SYT9: variants seen among roughly 807,000 people sequenced by gnomAD.
The protein encoded by SYT9 is synaptotagmin 9, also known as synaptotagmin-9.
SYT9 carries 22 observed loss-of-function variants against 48.4 expected under a neutral mutation model. The observed-to-expected ratio is 0.45, with a 90% CI of 0.32 to 0.65. SYT9 has a LOEUF of 0.65. Among genes scored for constraint, SYT9 ranks in the 30% least tolerant of loss-of-function variants. The pLI is 0.03. For synonymous variants in SYT9, 265 were observed against 245.0 expected (o/e 1.08, Z -0.76); for missense variants, 577 against 622.0 (o/e 0.93, Z 0.77).
intron 1 of SYT9, among the ~76,000 whole-genome samples, chr11:7,298,832 C>T (rs1021301060): frequency 3.9e-5 from 6 of 152,172 alleles, no homozygotes; most frequent in African/African-American, 9.6e-5. Context: ...GACAAACAGG[C>T]GTGATTACAG....
intron 3 of SYT9, among the ~76,000 whole-genome samples, chr11:7,335,942 A>G (rs566215470): frequency 5.3e-5 from 8 of 152,260 alleles, no homozygotes; most frequent in African/African-American, 1.9e-4. Context: ...TGGTTGAACT[A>G]ATTTACACTC....
chr11:7,382,557 A>T (rs964111136), intron 3 of SYT9, among the ~76,000 whole-genome samples: 1 of 152,222 alleles, frequency 6.6e-6, no homozygotes, highest in Admixed American at 6.5e-5. Context: ...TAAATAAGAA[A>T]ACACTTGTAT....
intron 6 of SYT9, among the ~76,000 whole-genome samples, chr11:7,460,646 G>T (rs745522410): frequency 6.6e-6 from 1 of 152,074 alleles, no homozygotes; most frequent in African/African-American, 2.4e-5. Flanking sequence ...TTTAAATGGT[G>T]ACTATAAATT....
intron 6 of SYT9, chr11:7,435,645 GAGCA>G (rs1489738922): frequency 6.6e-6 from 1 of 152,230 alleles, no homozygotes; most frequent in African/African-American, 2.4e-5. Flanking sequence ...GAGAGTCTTT[GAGCA>G]ACTGCAGACA....
At chr11:7,434,814 G>T (rs548688061) in intron 6 of SYT9, among the ~76,000 whole-genome samples, 1 of 152,142 alleles carries the variant, frequency 6.6e-6, no homozygotes, top group East Asian at 1.9e-4. Context: ...AGTAGTTGGA[G>T]GTGACAGAAT....
chr11:7,276,945 T>G (rs765113404), intron 1 of SYT9, among the ~76,000 whole-genome samples: 89 of 150,878 alleles, frequency 5.9e-4, no homozygotes, highest in Non-Finnish European at 8.7e-4. Context: ...TCCCAGCTAC[T>G]CGGGAGGCTG....
intron 3 of SYT9, among the ~76,000 whole-genome samples, chr11:7,389,072 C>T (rs1332104709): frequency 1.3e-5 from 2 of 152,182 alleles, no homozygotes; most frequent in South Asian, 2.1e-4. Flanking sequence ...CCTGCACATT[C>T]TAAAGAAAGT....
chr11:7,335,121 T>C (rs892930753), intron 3 of SYT9, among the ~76,000 whole-genome samples: 2 of 152,222 alleles, frequency 1.3e-5, no homozygotes, highest in Non-Finnish European at 2.9e-5. Flanking sequence ...CTAGTTGCTC[T>C]ACATTCTCAC....
chr11:7,398,520 C>A (rs1846805571), intron 3 of SYT9, among the ~76,000 whole-genome samples: 1 of 151,822 alleles, frequency 6.6e-6, no homozygotes, highest in Non-Finnish European at 1.5e-5. Context: ...CGCCATTCTC[C>A]TGCCTCAGCC....
intron 6 of SYT9, chr11:7,427,688 TGG>T (rs1195421144): frequency 6.6e-6 from 1 of 152,198 alleles, no homozygotes; most frequent in Non-Finnish European, 1.5e-5. Context: ...ATAATAGGAA[TGG>T]GGTATTTTTT....
chr11:7,391,862 G>GC (rs1564887356), intron 3 of SYT9, among the ~76,000 whole-genome samples: 8 of 151,580 alleles, frequency 5.3e-5, no homozygotes, highest in African/African-American at 1.9e-4. Context: ...GCTGCAGTGA[G>GC]CTATGATTAT....
intron 3 of SYT9, among the ~76,000 whole-genome samples, chr11:7,358,139 A>G (rs889869820): frequency 6.6e-6 from 1 of 152,140 alleles, no homozygotes; most frequent in Non-Finnish European, 1.5e-5. Context: ...AATGGTATAG[A>G]AAGGGTTAAA....
At chr11:7,420,753 G>A (rs2134104752) in intron 6 of SYT9, 118 bp downstream of exon 6, 2 of 1,309,562 alleles carry the variant, frequency 1.5e-6, no homozygotes, top group South Asian at 1.5e-5. Context: ...GGGTTTTCCT[G>A]GTTGCATTTC....
chr11:7,267,653 C>T (rs909148331), intron 1 of SYT9, among the ~76,000 whole-genome samples: 2 of 150,444 alleles, frequency 1.3e-5, no homozygotes, highest in African/African-American at 2.4e-5. Context: ...AAAAAAAATG[C>T]ATTGAAGTTA....
chr11:7,333,512 A>T (rs149187084), intron 3 of SYT9, among the ~76,000 whole-genome samples: 1 of 152,208 alleles, frequency 6.6e-6, no homozygotes, highest in South Asian at 2.1e-4. Flanking sequence ...AACTGAACAG[A>T]TCTATGAATT....
intron 3 of SYT9, among the ~76,000 whole-genome samples, chr11:7,323,228 G>C (rs1435259332): frequency 1.3e-5 from 2 of 152,072 alleles, no homozygotes; most frequent in Non-Finnish European, 2.9e-5. Flanking sequence ...TTGCTAGGTT[G>C]AAGTAAATTG....
At chr11:7,333,177 T>C (rs1199512385) in intron 3 of SYT9, among the ~76,000 whole-genome samples, 1 of 152,154 alleles carries the variant, frequency 6.6e-6, no homozygotes, top group Non-Finnish European at 1.5e-5. Flanking sequence ...ATTCACTAAT[T>C]AAGGGGAGTC....
intron 3 of SYT9, among the ~76,000 whole-genome samples, chr11:7,331,866 A>G (rs901755): frequency 0.21 from 31,559 of 152,216 alleles, 3,714 homozygotes; most frequent in Non-Finnish European, 0.27. Context: ...GATTGTAAGT[A>G]TCTATGTATC....
rs772136021 is a variant in SYT9, at chr11:7,303,109, C to T, written c.216C>T (p.Phe72=). ...CGLALFGVSL[F]VSWKLCWVPW... ...TCGCTCTCTTTGGCGTGTCTCTCTT[C>T]GTATCTTGGAAACTCTGCTGGGTTC... The change falls in exon 2 of 7, where the codon TTC becomes TTT. Residue 72 remains phenylalanine (F), a synonymous_variant. Coordinates refer to ENST00000318881, the MANE Select transcript of SYT9 (RefSeq NM_175733.4). 23 of 1,614,062 alleles carry T rather than the reference C, an allele frequency of 1.4e-5. No individual in the cohort carries two copies. Among genetic ancestry groups the T allele is most frequent in the Admixed American group, 1.0e-4 (6 of 60,000 alleles).
Sources: allele counts gnomAD v4.1 joint callset (sites outside exome capture counted in the v4.1 genomes callset), GRCh38; gene constraint gnomAD v4.1.1; transcripts MANE v1.5; gene names NCBI Gene and HGNC (gene_info 2026-07-23, HGNC 2026-07-21).